The following PCDHGA10 variants were observed in gnomAD, a reference collection of about 807,000 sequenced individuals.
The protein encoded by PCDHGA10 is protocadherin gamma-A10.
In PCDHGA10, 42 loss-of-function variants were observed where a neutral mutation model predicts 59.5. The observed-to-expected ratio is 0.71, with a 90% confidence interval of 0.55 to 0.91. The LOEUF (loss-of-function observed/expected upper bound fraction) is 0.91. Ranked by LOEUF, PCDHGA10 falls within the 40% of genes least tolerant of loss-of-function variation. The pLI is 0.00. For missense variants in PCDHGA10, 1,111 were observed against 1,198.2 expected (o/e 0.93, Z 1.07); for synonymous variants, 511 against 517.2 (o/e 0.99, Z 0.16).
intron 1 of PCDHGA10, chr5:141,423,051 CCTG>C (rs771403541): frequency 2.5e-6 from 4 of 1,614,208 alleles, no homozygotes; most frequent in Admixed American, 1.7e-5. Flanking sequence ...TGTCCTATCG[CCTG>C]CTTAAGGCCA....
intron 1 of PCDHGA10, among the ~76,000 whole-genome samples, chr5:141,444,862 A>G (rs781224880): frequency 1.8e-4 from 28 of 152,198 alleles, no homozygotes; most frequent in Non-Finnish European, 2.9e-4. Flanking sequence ...AAGTCTTACT[A>G]CAGGACAAAG....
chr5:141,489,701 T>C lies in PCDHGA10; in HGVS notation c.2437-5106T>C, dbSNP rs1038902932. The C allele has an allele frequency of 1.9e-6, 3 of 1,614,128 alleles. No homozygotes were observed. The highest frequency in any genetic ancestry group is 2.5e-6 in the Non-Finnish European group (3 of 1,179,944). On this transcript the variant is annotated intron_variant, in intron 1 of 3. Transcript: ENST00000398610. The surrounding 1 kb of genome is among the most constrained non-coding windows in gnomAD (Gnocchi z 4.5). ...GCAGCATCTGGGGCACGATTCCCAC[T>C]GGACAGTGCCCAGGATCCGGATGTG...
chr5:141,478,748 A>G (rs2099474609), intron 1 of PCDHGA10: 2 of 1,525,644 alleles, frequency 1.3e-6, no homozygotes, highest in African/African-American at 1.4e-5. Context: ...GTCCCATTTC[A>G]GGGGGAAGAT....
intron 1 of PCDHGA10, among the ~76,000 whole-genome samples, chr5:141,436,720 A>G (rs1337926057): frequency 1.5e-4 from 23 of 152,216 alleles, no homozygotes; most frequent in Non-Finnish European, 3.4e-4. Context: ...TCTGTTGGGA[A>G]AAATAATAAT....
Position 141,491,620 on chromosome 5 carries a change from A to C in PCDHGA10, c.2437-3187A>C. On this transcript the variant is annotated intron_variant, in intron 1 of 3. Coordinates refer to ENST00000398610, the MANE Select transcript of PCDHGA10 (RefSeq NM_018913.3). This position sits in a 1 kb window ranked among gnomAD's most constrained non-coding sequence, Gnocchi z 6.9. ...TGACTTCACTTTTCTAAGACCCCTC[A>C]GCGTTCAGCAGCCCACAGCTCTGGC... is the stretch of plus-strand genomic sequence containing the variant. 6.2e-7 allele frequency: 1 copy of C among 1,613,906 alleles called. No individual in the cohort carries two copies. The highest frequency in any genetic ancestry group is 1.1e-5 in the South Asian group (1 of 91,084).
At chr5:141,502,169 G>A (rs1366413076) in intron 2 of PCDHGA10, among the ~76,000 whole-genome samples, 1 of 152,110 alleles carries the variant, frequency 6.6e-6, no homozygotes, top group African/African-American at 2.4e-5. Flanking sequence ...ATTCAGTTGA[G>A]GAATTTAACA....
chr5:141,502,039 G>T (rs2099812498), intron 2 of PCDHGA10, among the ~76,000 whole-genome samples: 1 of 152,126 alleles, frequency 6.6e-6, no homozygotes, highest in South Asian at 2.1e-4. Context: ...CCGCTTGCCT[G>T]CTCTCCCTAC....
chr5:141,423,758 G>GGGT, intron 1 of PCDHGA10: 1 of 366,842 alleles, frequency 2.7e-6, no homozygotes, highest in Non-Finnish European at 3.8e-6. Context: ...TTTGGGGGGG[G>GGGT]GGTGGGGCGG....
At position 141,490,908 on chromosome 5, in the gene PCDHGA10, C is replaced by A; in HGVS notation, c.2437-3899C>A. On this transcript the variant is annotated intron_variant, in intron 1 of 3. Coordinates refer to ENST00000398610, the MANE Select transcript of PCDHGA10 (RefSeq NM_018913.3). The surrounding 1 kb of genome is among the most constrained non-coding windows in gnomAD (Gnocchi z 5.4). The stretch of plus-strand genomic sequence containing the variant: ...CATCTCTGCATGTGTTTGTCCTAGA[C>A]GAGAATGATAATGCCCCAGCTGTGC... The A allele has an allele frequency of 6.2e-7, 1 of 1,613,710 alleles. No homozygotes were observed. Among genetic ancestry groups the A allele is most frequent in the Non-Finnish European group, 8.5e-7 (1 of 1,179,754 alleles).
Position 141,487,892 on chromosome 5 carries a change from T to A in PCDHGA10, c.2437-6915T>A. On this transcript the variant is annotated intron_variant, in intron 1 of 3. Coordinates refer to ENST00000398610, the MANE Select transcript of PCDHGA10 (RefSeq NM_018913.3). The surrounding 1 kb of genome is among the most constrained non-coding windows in gnomAD (Gnocchi z 5.0). The stretch of plus-strand genomic sequence containing the variant: ...GAGCCAGGCTGTTGTGGAAGCATGA[T>A]GATGGAATGTGGGAGCACAGGAGGC... 1 of 731,410 alleles carries A rather than the reference T, an allele frequency of 1.4e-6. No homozygotes were observed. Among genetic ancestry groups the A allele is most frequent in the South Asian group, 1.8e-5 (1 of 54,120 alleles). The allele number at this position is 731,410 out of a possible 1,614,324, so 45.3% of individuals were successfully genotyped here. A position where few individuals can be genotyped will look rare whatever the true frequency, so the allele number is the denominator to read the frequency against.
rs77976889 is a variant in PCDHGA10, at chr5:141,493,704, G to C, written c.2437-1103G>C. On this transcript the variant is annotated intron_variant, in intron 1 of 3. Transcript: ENST00000398610. This position sits in a 1 kb window ranked among gnomAD's most constrained non-coding sequence, Gnocchi z 4.3. ...GTGCTGGTGACTCCCGATACACCTG[G>C]AATGCTAGGTTTCTGGGTTCTGCTC... Among the ~76,000 whole-genome samples the C allele has an allele frequency of 1.7e-3, 258 of 152,278 alleles. 2 individuals are homozygous for C. The highest frequency in any genetic ancestry group is 5.7e-3 in the African/African-American group (237 of 41,540).
At chr5:141,416,641 C>A (rs996381588) in intron 1 of PCDHGA10, 1 of 152,056 alleles carries the variant, frequency 6.6e-6, no homozygotes, top group Non-Finnish European at 1.5e-5. Context: ...AAACACCAAC[C>A]ACAGCTGTAA....
At position 141,476,251 on chromosome 5, in the gene PCDHGA10, C is replaced by T; in HGVS notation, c.2437-18556C>T. On this transcript the variant is annotated intron_variant, in intron 1 of 3. Coordinates refer to ENST00000398610, the MANE Select transcript of PCDHGA10 (RefSeq NM_018913.3). This position sits in a 1 kb window ranked among gnomAD's most constrained non-coding sequence, Gnocchi z 7.6. The stretch of plus-strand genomic sequence containing the variant: ...TCCCGGAGGAAAGAGAGAAGGGTTT[C>T]GCTGTGGGCAACGTGGTCGCGAACC... 1 of 1,613,866 alleles carries T rather than the reference C, an allele frequency of 6.2e-7. No homozygotes were observed. The highest frequency in any genetic ancestry group is 8.5e-7 in the Non-Finnish European group (1 of 1,179,978).
rs57426385 is a variant in PCDHGA10, at chr5:141,415,740, G to GTTTTTTTTTTTTT, written c.2436+149_2436+161dup. ...TGAGTAGAATTTGATGTTTATTAAGGTTTTTTTTTTTTTTTTTTTTTTTTT... is the reference window on the plus strand; with the variant it reads ...TGAGTAGAATTTGATGTTTATTAAGGTTTTTTTTTTTTTTTTTTTTTTTTTTTTTTTTTTTTTT... On this transcript the variant is annotated intron_variant, in intron 1 of 3. Coordinates refer to ENST00000398610, the MANE Select transcript of PCDHGA10 (RefSeq NM_018913.3). The GTTTTTTTTTTTTT allele has an allele frequency of 2.5e-4, 159 of 625,022 alleles. 3 individuals carry two copies. Among genetic ancestry groups the GTTTTTTTTTTTTT allele is most frequent in the Admixed American group, 5.7e-4 (8 of 14,124 alleles). 38.7% of individuals were successfully genotyped at this position (625,022 alleles called of 1,614,324 possible).
intron 3 of PCDHGA10, among the ~76,000 whole-genome samples, chr5:141,506,402 G>A (rs1032556978): frequency 2.8e-5 from 4 of 143,790 alleles, no homozygotes; most frequent in East Asian, 2.0e-4. Flanking sequence ...GCAGAAAATC[G>A]CACCACTGCA....
At chr5:141,463,108 T>G (rs1212278355) in intron 1 of PCDHGA10, among the ~76,000 whole-genome samples, 1 of 152,202 alleles carries the variant, frequency 6.6e-6, no homozygotes, top group Non-Finnish European at 1.5e-5. Flanking sequence ...CATCAAGAAT[T>G]CAGCTAATAG....
intron 1 of PCDHGA10, chr5:141,421,935 A>G: frequency 6.2e-7 from 1 of 1,613,514 alleles, no homozygotes; most frequent in East Asian, 2.2e-5. Context: ...TCCTCGATGT[A>G]AATGATCACA....
rs768265171 is a variant in PCDHGA10, at chr5:141,432,847, G to T, written c.2436+17236G>T. The T allele has an allele frequency of 6.2e-7, 1 of 1,614,180 alleles. No homozygotes were observed. On this transcript the variant is annotated intron_variant, in intron 1 of 3. Transcript: ENST00000398610. The surrounding 1 kb of genome is among the most constrained non-coding windows in gnomAD (Gnocchi z 6.0). ...ACCTCACTCTGTACCTGGTGGTAGC[G>T]GTGGCCGCGGTCTCCTGCGTCTTCC...
Position 141,491,898 on chromosome 5 carries a change from G to C in PCDHGA10, c.2437-2909G>C, listed in dbSNP as rs772673872. 9.0e-5 allele frequency: 129 copies of C among 1,428,816 alleles called. 1 individual carries two copies. In the Middle Eastern group the frequency reaches 2.0e-3, roughly 22 times the overall value. The allele number at this position is 1,428,816 out of a possible 1,614,324, so 88.5% of individuals were successfully genotyped here. On this transcript the variant is annotated intron_variant, in intron 1 of 3. Coordinates refer to ENST00000398610, the MANE Select transcript of PCDHGA10 (RefSeq NM_018913.3). The surrounding 1 kb of genome is among the most constrained non-coding windows in gnomAD (Gnocchi z 6.9). ...ATTAAGGGATGGGGCTCCGAGCACCGGGGGTGGTGGCGACTGTGGGCGAGG... is the reference window on the plus strand; with the variant it reads ...ATTAAGGGATGGGGCTCCGAGCACCCGGGGTGGTGGCGACTGTGGGCGAGG...
Sources: allele counts gnomAD v4.1 joint callset (sites outside exome capture counted in the v4.1 genomes callset), GRCh38; gene constraint gnomAD v4.1.1; non-coding constraint Gnocchi (gnomAD v3.1); transcripts MANE v1.5; gene names NCBI Gene and HGNC (gene_info 2026-07-23, HGNC 2026-07-21).